Variants in ERBB4 observed in about 807,000 individuals in gnomAD.
ERBB4 encodes receptor tyrosine-protein kinase erbB-4.
In ERBB4, 42 loss-of-function variants were observed where a neutral mutation model predicts 158.0. The observed-to-expected ratio is 0.27, with a 90% CI of 0.21 to 0.34. The LOEUF (loss-of-function observed/expected upper bound fraction) is 0.34, where lower values mean the gene tolerates loss of function less well. Among genes scored for constraint, ERBB4 ranks in the 10% least tolerant of loss-of-function variants. The pLI, the probability that ERBB4 is intolerant of heterozygous loss-of-function variation, is 1.00. For synonymous variants in ERBB4, 583 were observed against 558.7 expected (o/e 1.04, Z -0.61); for missense variants, 1,333 against 1,624.1 (o/e 0.82, Z 3.08).
At chr2:212,240,528 G>A (rs1207389260) in intron 1 of ERBB4, among the ~76,000 whole-genome samples, 1 of 150,416 alleles carries the variant, frequency 6.6e-6, no homozygotes, top group Non-Finnish European at 1.5e-5. Flanking sequence ...AGCTACTCAG[G>A]AGGCTGAGGC....
intron 4 of ERBB4, among the ~76,000 whole-genome samples, chr2:211,773,383 A>T (rs2106275187): frequency 6.6e-6 from 1 of 151,408 alleles, no homozygotes; most frequent in South Asian, 2.1e-4. Flanking sequence ...TACTTATTAC[A>T]TACAAATGAA....
At chr2:211,652,000 C>T (rs1310220507) in intron 16 of ERBB4, among the ~76,000 whole-genome samples, 1 of 151,884 alleles carries the variant, frequency 6.6e-6, no homozygotes, top group Non-Finnish European at 1.5e-5. Flanking sequence ...CTGTAAGTCA[C>T]TCAGTGAGTT....
intron 16 of ERBB4, among the ~76,000 whole-genome samples, chr2:211,638,781 C>A (rs2070457054): frequency 1.3e-5 from 2 of 152,044 alleles, no homozygotes; most frequent in Admixed American, 1.3e-4. Context: ...TAATCTGATC[C>A]TTTTATATCT....
chr2:211,998,500 T>C (rs1452720156), intron 2 of ERBB4, among the ~76,000 whole-genome samples: 1 of 141,812 alleles, frequency 7.1e-6, no homozygotes, highest in Non-Finnish European at 1.5e-5. Context: ...TGACTCCAAA[T>C]GTTAAATAAA....
rs1047435011 is a variant in ERBB4, at chr2:211,411,442, T to G, written c.3135+8999A>C. Among the ~76,000 whole-genome samples the G allele has an allele frequency of 3.3e-5, 5 of 152,200 alleles. 1 individual carries two copies. The highest frequency in any genetic ancestry group is 5.9e-5 in the Non-Finnish European group (4 of 68,038). On this transcript the variant is annotated intron_variant, in intron 25 of 27. Coordinates refer to ENST00000342788, the MANE Select transcript of ERBB4 (RefSeq NM_005235.3). Reference sequence around the variant, plus strand: ...CCAAGAGCTTGGAAGGACAAATGAATGCAATTTGACATTATGTCCTTATTT... The same window carrying G: ...CCAAGAGCTTGGAAGGACAAATGAAGGCAATTTGACATTATGTCCTTATTT...
chr2:211,739,790 T>C (rs2074729666), intron 5 of ERBB4, among the ~76,000 whole-genome samples: 1 of 152,092 alleles, frequency 6.6e-6, no homozygotes, highest in African/African-American at 2.4e-5. Context: ...TTTTATTAAA[T>C]GTATTTTTAA....
chr2:212,381,147 C>T (rs1371927334), intron 1 of ERBB4, among the ~76,000 whole-genome samples: 1 of 151,180 alleles, frequency 6.6e-6, no homozygotes, highest in Non-Finnish European at 1.5e-5. Flanking sequence ...AAGCTTAAAA[C>T]ATTATTTATA....
Position 211,808,187 on chromosome 2 carries a change from A to T in ERBB4, c.422-20028T>A, listed in dbSNP as rs540682111. ...TGCCATTGTTTTTGGTGTTTTAGAC[A>T]TGAAGTCCTTGCCCATGCCTATGTC... is the stretch of plus-strand genomic sequence containing the variant. On this transcript the variant is annotated intron_variant, in intron 3 of 27. Transcript: ENST00000342788. 7.9e-5 allele frequency among the ~76,000 whole-genome samples: 12 copies of T among 152,328 alleles called. No homozygotes were observed. The East Asian group carries it at 2.1e-3, about 27-fold the overall frequency.
At chr2:211,872,183 C>A (rs1441009625) in intron 3 of ERBB4, among the ~76,000 whole-genome samples, 1 of 152,188 alleles carries the variant, frequency 6.6e-6, no homozygotes, top group East Asian at 1.9e-4. Flanking sequence ...TAAAGCCTTT[C>A]ACATCATTAG....
intron 1 of ERBB4, among the ~76,000 whole-genome samples, chr2:212,283,286 C>T (rs1030562053): frequency 1.3e-5 from 2 of 151,902 alleles, no homozygotes; most frequent in African/African-American, 4.8e-5. Flanking sequence ...TCCGTATGCC[C>T]ATCAGCATGG....
chr2:211,389,514 A>G (rs1051173271), intron 25 of ERBB4, among the ~76,000 whole-genome samples: 1 of 152,156 alleles, frequency 6.6e-6, no homozygotes, highest in East Asian at 1.9e-4. Flanking sequence ...CTGAACCCCT[A>G]TAGTGAGGTT....
At chr2:212,183,203 C>A (rs1432650274) in intron 1 of ERBB4, among the ~76,000 whole-genome samples, 1 of 151,786 alleles carries the variant, frequency 6.6e-6, no homozygotes, top group Non-Finnish European at 1.5e-5. Flanking sequence ...CACCCTAAAG[C>A]TCTGAAGTAC....
At chr2:212,395,808 G>A (rs13007162) in intron 1 of ERBB4, among the ~76,000 whole-genome samples, 23,905 of 151,710 alleles carry the variant, frequency 0.16, 2,166 homozygotes, top group South Asian at 0.25. Context: ...TATTAGAGAC[G>A]GGGTTTCACC....
chr2:212,295,139 A>T (rs2086363333), intron 1 of ERBB4, among the ~76,000 whole-genome samples: 1 of 152,128 alleles, frequency 6.6e-6, no homozygotes, highest in African/African-American at 2.4e-5. Context: ...AGGTCTTGCA[A>T]GTTGTCAATT....
At chr2:211,748,526 A>T (rs771483813) in intron 5 of ERBB4, among the ~76,000 whole-genome samples, 9 of 152,100 alleles carry the variant, frequency 5.9e-5, no homozygotes, top group Non-Finnish European at 1.2e-4. Flanking sequence ...AGAGGGATCC[A>T]CCCCAGTGTT....
chr2:212,070,724 C>G (rs1003656506), intron 2 of ERBB4, among the ~76,000 whole-genome samples: 5 of 92,430 alleles, frequency 5.4e-5, no homozygotes, highest in Non-Finnish European at 1.5e-4. Flanking sequence ...TATAAAAGCT[C>G]AAACTATAAA....
chr2:211,962,959 T>G (rs1355077262), intron 2 of ERBB4, among the ~76,000 whole-genome samples: 2 of 152,194 alleles, frequency 1.3e-5, no homozygotes, highest in African/African-American at 4.8e-5. Flanking sequence ...TAAATGACAT[T>G]AATATCTGTA....
intron 4 of ERBB4, among the ~76,000 whole-genome samples, chr2:211,762,633 A>C (rs2106244260): frequency 6.6e-6 from 1 of 152,278 alleles, no homozygotes; most frequent in East Asian, 1.9e-4. Flanking sequence ...AGACATGCTA[A>C]TGGGTCCCTG....
chr2:211,729,216 C>A (rs1377061185), intron 5 of ERBB4, among the ~76,000 whole-genome samples: 1 of 151,618 alleles, frequency 6.6e-6, no homozygotes, highest in Non-Finnish European at 1.5e-5. Context: ...TAGAAACATG[C>A]AGAAAAATTC....
Sources: allele counts gnomAD v4.1 joint callset (sites outside exome capture counted in the v4.1 genomes callset), GRCh38; gene constraint gnomAD v4.1.1; transcripts MANE v1.5; gene names NCBI Gene and HGNC (gene_info 2026-07-23, HGNC 2026-07-21).